The following ROS1 variants were observed in gnomAD, a reference collection of about 807,000 sequenced individuals.
ROS1 encodes the protein proto-oncogene tyrosine-protein kinase ROS.
In ROS1, 263 loss-of-function variants were observed where a neutral mutation model predicts 273.5. The observed-to-expected ratio is 0.96, with a 90% CI of 0.87 to 1.06. ROS1 has a LOEUF of 1.06. ROS1 is among the 50% of genes least tolerant of loss of function. The pLI is 0.00. For synonymous variants in ROS1, 1,008 were observed against 954.1 expected (o/e 1.06, Z -1.04); for missense variants, 2,833 against 2,751.1 (o/e 1.03, Z -0.67).
intron 17 of ROS1, among the ~76,000 whole-genome samples, chr6:117,380,429 T>C (rs1221578921): frequency 6.6e-6 from 1 of 152,064 alleles, no homozygotes; most frequent in South Asian, 2.1e-4. Context: ...GGTAAAAATG[T>C]ATTCTGGCAA....
intron 29 of ROS1, 123 bp downstream of exon 29, chr6:117,342,277 T>C (rs1777994386): frequency 3.2e-6 from 3 of 938,794 alleles, no homozygotes; most frequent in Non-Finnish European, 4.8e-6. Context: ...ATTTTTCTTA[T>C]TAAACTTAAA....
intron 1 of ROS1, among the ~76,000 whole-genome samples, chr6:117,424,903 A>C (rs56196599): frequency 0.035 from 5,338 of 152,218 alleles, 153 homozygotes; most frequent in Middle Eastern, 0.11. Flanking sequence ...TTGGTTTTTA[A>C]AGTTAATTCA....
At chr6:117,365,996 G>A in intron 19 of ROS1, 80 bp downstream of exon 19, 1 of 1,243,020 alleles carries the variant, frequency 8.0e-7, no homozygotes, top group Non-Finnish European at 1.2e-6. Flanking sequence ...TAATTCTTAA[G>A]AAAAAAAAAT....
intron 18 of ROS1, among the ~76,000 whole-genome samples, chr6:117,372,754 T>C (rs1334978104): frequency 6.6e-6 from 1 of 152,014 alleles, no homozygotes; most frequent in African/African-American, 2.4e-5. Context: ...TTACAGCTCA[T>C]AAACGCAGTG....
At position 117,371,293 on chromosome 6, in the gene ROS1, C is replaced by A. The variant is rs80144675; in HGVS notation, c.2583-5003G>T. Among the ~76,000 whole-genome samples, 41 of 152,288 alleles carry A rather than the reference C, an allele frequency of 2.7e-4. No homozygotes were observed. The East Asian group carries it at 7.0e-3, about 26-fold the overall frequency. On this transcript the variant is annotated intron_variant, in intron 18 of 43. Coordinates refer to ENST00000368507, the MANE Select transcript of ROS1 (RefSeq NM_001378902.1). ...GATATGGGGAGTGTCCACCCCCGAA[C>A]ACACATCCTCTGTGGAAAACCTGAA...
At position 117,394,596 on chromosome 6, in the gene ROS1, T is replaced by C. The variant is rs1227777147; in HGVS notation, c.1006+20A>G. ...ATCTTCTTTTCACACTAAGGAATCA[T>C]TTATCCTTATCATACTGACCTGTAA... On this transcript the variant is annotated intron_variant, in intron 10 of 43. Transcript: ENST00000368507. 6.5e-7 allele frequency: 1 copy of C among 1,544,750 alleles called. No homozygotes were observed. Among genetic ancestry groups the C allele is most frequent in the African/African-American group, 1.4e-5 (1 of 72,628 alleles).
chr6:117,320,023 G>A lies in ROS1; in HGVS notation c.5767C>T (p.Pro1923Ser), dbSNP rs1420331738. 1 of 1,612,964 alleles carries A rather than the reference G, an allele frequency of 6.2e-7. No individual in the cohort carries two copies. The highest frequency in any genetic ancestry group is 1.3e-5 in the African/African-American group (1 of 74,952). Residue 1923 changes from proline to serine, a missense_variant, in exon 37 of 44, where the codon CCA becomes TCA. Coordinates refer to ENST00000368507, the MANE Select transcript of ROS1 (RefSeq NM_001378902.1). Reference protein sequence around the residue: ...ANACYAIHTLPTQEEIENLPA... With the variant: ...ANACYAIHTLSTQEEIENLPA... ...AGATTTTCAATCTCCTCTTGGGTTG[G>A]AAGAGTACTGTAAAATAGCAACATT...
chr6:117,301,202 A>G, intron 42 of ROS1, 65 bp from the exon 43 acceptor site: 1 of 1,367,932 alleles, frequency 7.3e-7, no homozygotes, highest in Non-Finnish European at 9.9e-7. Flanking sequence ...TAACCCAGGT[A>G]GGGTCATTTT....
chr6:117,365,122 G>A lies in ROS1; in HGVS notation c.3041C>T (p.Thr1014Ile), dbSNP rs1366263868. 3 of 1,613,596 alleles carry A rather than the reference G, an allele frequency of 1.9e-6. No homozygotes were observed. Among genetic ancestry groups the A allele is most frequent in the Non-Finnish European group, 2.5e-6 (3 of 1,179,580 alleles). ...GCCCTTTCCCCAGTAGGTATAAGGAGTGACAGAAAGATTAAATAAGGCATA... is the reference window on the plus strand; with the variant it reads ...GCCCTTTCCCCAGTAGGTATAAGGAATGACAGAAAGATTAAATAAGGCATA... ...EPYALFNLSV[T>I]PYTYWGKGPK... The change falls in exon 21 of 44, where the codon ACT becomes ATT. Residue 1014 changes from threonine (T) to isoleucine (I), a missense_variant. Coordinates refer to ENST00000368507, the MANE Select transcript of ROS1 (RefSeq NM_001378902.1).
chr6:117,307,538 C>T (rs1050986132), intron 42 of ROS1, among the ~76,000 whole-genome samples: 10 of 151,970 alleles, frequency 6.6e-5, no homozygotes, highest in African/African-American at 2.4e-4. Flanking sequence ...TGTATAATTT[C>T]TTATCCTTAA....
chr6:117,399,517 G>A (rs938250841), intron 7 of ROS1, among the ~76,000 whole-genome samples: 9 of 152,172 alleles, frequency 5.9e-5, no homozygotes, highest in African/African-American at 1.9e-4. Context: ...TCAGCTGCTC[G>A]GCTCTGCTTA....
intron 15 of ROS1, 96 bp from the exon 16 acceptor site, chr6:117,385,957 AAAC>A (rs1772546108): frequency 2.2e-6 from 2 of 904,922 alleles, no homozygotes; most frequent in South Asian, 3.0e-5. Context: ...ACATAATTTT[AAAC>A]AACACACTGA....
chr6:117,351,176 C>T (rs1257345570), intron 27 of ROS1, among the ~76,000 whole-genome samples: 2 of 152,182 alleles, frequency 1.3e-5, no homozygotes, highest in African/African-American at 4.8e-5. Flanking sequence ...TCTCAGTTAA[C>T]TTCAAGTGGG....
chr6:117,299,068 T>G (rs768054587), intron 43 of ROS1, among the ~76,000 whole-genome samples: 8 of 152,152 alleles, frequency 5.3e-5, no homozygotes, highest in Non-Finnish European at 8.8e-5. Context: ...GTTCTGCCAT[T>G]GGCATTCTAA....
intron 17 of ROS1, among the ~76,000 whole-genome samples, chr6:117,379,597 T>C (rs72965312): frequency 0.077 from 11,674 of 152,192 alleles, 542 homozygotes; most frequent in Non-Finnish European, 0.097. Context: ...AATTTTGTTG[T>C]TGTTTAAACC....
chr6:117,320,813 C>T (rs916469944), intron 36 of ROS1, among the ~76,000 whole-genome samples: 1 of 152,076 alleles, frequency 6.6e-6, no homozygotes, highest in Non-Finnish European at 1.5e-5. Context: ...ATGACGGCAA[C>T]AAAAGTTCAA....
intron 7 of ROS1, among the ~76,000 whole-genome samples, chr6:117,398,646 T>C (rs1485558495): frequency 4.1e-5 from 6 of 144,998 alleles, no homozygotes; most frequent in Admixed American, 3.6e-4. Context: ...GCCACTGCAC[T>C]GCAACCTGGG....
intron 7 of ROS1, 75 bp from the exon 8 acceptor site, chr6:117,397,191 G>T: frequency 9.0e-6 from 9 of 1,000,140 alleles, no homozygotes; most frequent in Admixed American, 4.8e-5. Context: ...ATGGAAAAAA[G>T]TCTTGTTTTT....
intron 32 of ROS1, among the ~76,000 whole-genome samples, chr6:117,331,605 A>T (rs1777081361): frequency 6.6e-6 from 1 of 152,218 alleles, no homozygotes; most frequent in Admixed American, 6.5e-5. Flanking sequence ...AGGCCAGGTT[A>T]CCTACAAAGG....
Sources: gnomAD v4.1 joint callset for allele counts (sites outside exome capture counted in the v4.1 genomes callset) on GRCh38, gnomAD v4.1.1 for gene constraint, MANE v1.5 for transcripts, NCBI Gene and HGNC (gene_info 2026-07-23, HGNC 2026-07-21) for gene names.